Variants in CENPW observed in about 807,000 individuals in gnomAD.
The protein encoded by CENPW is centromere protein W, also known as cancer-up-regulated gene 2 protein.
CENPW carries 3 observed loss-of-function variants against 11.1 expected under a neutral mutation model. The observed-to-expected ratio is 0.27, with a 90% CI of 0.12 to 0.70. CENPW has a LOEUF of 0.70. CENPW is among the 30% of genes least tolerant of loss of function. CENPW has a pLI of 0.77. For missense variants in CENPW, 100 were observed against 105.6 expected (o/e 0.95, Z 0.23); for synonymous variants, 38 against 42.0 (o/e 0.91, Z 0.37).
intron 1 of CENPW, 130 bp downstream of exon 1, chr6:126,340,529 C>A: frequency 7.5e-7 from 1 of 1,333,756 alleles, no homozygotes; most frequent in Non-Finnish European, 1.0e-6. Flanking sequence ...GCAGTTCCAA[C>A]AATGACAGGG....
At chr6:126,366,985 C>G in the CENPW span, among the ~76,000 whole-genome samples, 1 of 152,068 alleles carries the variant, frequency 6.6e-6, no homozygotes, top group Non-Finnish European at 1.5e-5. Flanking sequence ...CCTTCATGAC[C>G]TAAACACCTC....
At chr6:126,347,257 A>G (rs1780428666) in intron 2 of CENPW, among the ~76,000 whole-genome samples, 1 of 152,188 alleles carries the variant, frequency 6.6e-6, no homozygotes, top group Non-Finnish European at 1.5e-5. Context: ...CTTATTTTTG[A>G]CAGTCTACCT....
intron 1 of CENPW, among the ~76,000 whole-genome samples, chr6:126,342,029 A>AT (rs1780321258): frequency 6.6e-6 from 1 of 152,182 alleles, no homozygotes; most frequent in Admixed American, 6.5e-5. Context: ...TTTGGCTTTC[A>AT]TTAAACAGTT....
chr6:126,446,351 T>G, the CENPW span, among the ~76,000 whole-genome samples: 2 of 142,086 alleles, frequency 1.4e-5, no homozygotes, highest in Non-Finnish European at 1.5e-5. Flanking sequence ...AATGACCCCC[T>G]CCCTGGCCCC....
the CENPW span, among the ~76,000 whole-genome samples, chr6:126,366,260 A>T: frequency 6.6e-6 from 1 of 152,136 alleles, no homozygotes; most frequent in East Asian, 1.9e-4. Flanking sequence ...TTTTAAAAAA[A>T]TTACCTTACT....
the CENPW span, among the ~76,000 whole-genome samples, chr6:126,402,359 T>C: frequency 6.6e-6 from 1 of 151,830 alleles, no homozygotes. Context: ...CTGCCTTCCT[T>C]TCTTCCTTCC....
At chr6:126,342,610 C>G (rs943321007) in intron 1 of CENPW, among the ~76,000 whole-genome samples, 8 of 152,058 alleles carry the variant, frequency 5.3e-5, no homozygotes, top group Non-Finnish European at 1.0e-4. Flanking sequence ...TGGCAACCTA[C>G]AATTTTTTCA....
intron 1 of CENPW, among the ~76,000 whole-genome samples, chr6:126,341,645 C>G (rs1433306128): frequency 6.6e-6 from 1 of 152,108 alleles, no homozygotes; most frequent in Non-Finnish European, 1.5e-5. Flanking sequence ...ATTAACTATC[C>G]CATGCTGGTG....
the CENPW span, among the ~76,000 whole-genome samples, chr6:126,420,436 AATGTT>A: frequency 1.2e-4 from 18 of 152,290 alleles, no homozygotes; most frequent in African/African-American, 3.6e-4. Context: ...TTAGGGTTAA[AATGTT>A]ATGTTAAGTA....
At chr6:126,423,272 G>A in the CENPW span, among the ~76,000 whole-genome samples, 4 of 151,902 alleles carry the variant, frequency 2.6e-5, no homozygotes, top group African/African-American at 9.7e-5. Context: ...TTTCCAATAT[G>A]TGTTGCTTTT....
Position 126,340,337 on chromosome 6 carries a change from C to T in CENPW, c.64C>T (p.Leu22=). 1 of 1,614,136 alleles carries T rather than the reference C, an allele frequency of 6.2e-7. No individual in the cohort carries two copies. ...QIKRKAPRGF[L]KRVFKRKKPQ... is the part of the protein sequence containing the mutation. ...AAAGCGGAAGGCTCCCCGTGGCTTTCTAAAGCGAGTCTTCAAGCGAAAGAA... is the reference window on the plus strand; with the variant it reads ...AAAGCGGAAGGCTCCCCGTGGCTTTTTAAAGCGAGTCTTCAAGCGAAAGAA... Residue 22 remains leucine, a synonymous_variant, in exon 1 of 3, where the codon CTA becomes TTA. Coordinates refer to ENST00000368328, the MANE Select transcript of CENPW (RefSeq NM_001012507.4).
the CENPW span, among the ~76,000 whole-genome samples, chr6:126,370,350 T>G: frequency 6.6e-6 from 1 of 152,190 alleles, no homozygotes; most frequent in Non-Finnish European, 1.5e-5. Flanking sequence ...ATTTGTAGAT[T>G]CAATGAATTT....
chr6:126,476,084 T>C, the CENPW span, among the ~76,000 whole-genome samples: 3 of 150,560 alleles, frequency 2.0e-5, no homozygotes, highest in Non-Finnish European at 4.4e-5. Context: ...CTAGTTTTCC[T>C]ATAGAAAAAA....
At chr6:126,413,107 A>G in the CENPW span, among the ~76,000 whole-genome samples, 1 of 152,174 alleles carries the variant, frequency 6.6e-6, no homozygotes, top group Non-Finnish European at 1.5e-5. Flanking sequence ...TGATACCTTC[A>G]TTCCAGAAGC....
chr6:126,451,280 A>G, the CENPW span, among the ~76,000 whole-genome samples: 3 of 150,928 alleles, frequency 2.0e-5, no homozygotes, highest in Non-Finnish European at 4.5e-5. Context: ...CATGGAAAAT[A>G]ATTGAGTACT....
the CENPW span, among the ~76,000 whole-genome samples, chr6:126,362,112 C>A: frequency 5.9e-5 from 9 of 152,178 alleles, no homozygotes; most frequent in Non-Finnish European, 1.2e-4. Flanking sequence ...GCAGGAGGGC[C>A]TGTAGAACTG....
downstream of CENPW, among the ~76,000 whole-genome samples, chr6:126,351,326 A>G (rs1351626710): frequency 1.3e-5 from 2 of 152,092 alleles, no homozygotes; most frequent in East Asian, 3.9e-4. Context: ...TCTTGTAGAT[A>G]GGAATTTTGC....
the CENPW span, among the ~76,000 whole-genome samples, chr6:126,463,502 T>C: frequency 4.0e-5 from 6 of 151,294 alleles, 1 homozygote; most frequent in East Asian, 2.0e-4. Context: ...ATAAAGACAA[T>C]AGAGAAAGTC....
the CENPW span, among the ~76,000 whole-genome samples, chr6:126,388,137 G>T: frequency 6.6e-6 from 1 of 151,966 alleles, no homozygotes; most frequent in Non-Finnish European, 1.5e-5. Context: ...ACTAAACTGA[G>T]ACTTCATACA....
Sources: allele counts gnomAD v4.1 joint callset (sites outside exome capture counted in the v4.1 genomes callset), GRCh38; gene constraint gnomAD v4.1.1; transcripts MANE v1.5; gene names NCBI Gene and HGNC (gene_info 2026-07-23, HGNC 2026-07-21).